Variants in FGF14 observed in about 807,000 individuals in gnomAD.
The protein encoded by FGF14 is fibroblast growth factor homologous factor 4.
Under a neutral mutation model 25.5 loss-of-function variants are expected in FGF14, and 5 were observed. The ratio of observed to expected loss-of-function variants is 0.20; its 90% CI spans 0.10 to 0.41. FGF14 has a LOEUF of 0.41. Ranked by LOEUF, FGF14 falls within the 10% of genes least tolerant of loss-of-function variation. FGF14 has a pLI of 1.00. For synonymous variants in FGF14, 138 were observed against 118.3 expected, an observed-to-expected ratio of 1.17 and a Z score of -1.08; for missense variants, 222 against 320.1, an observed-to-expected ratio of 0.69 and a Z score of 2.34.
chr13:102,236,634 G>T (rs1401912494), intron 1 of FGF14, among the ~76,000 whole-genome samples: 3 of 152,120 alleles, frequency 2.0e-5, no homozygotes, highest in Admixed American at 6.6e-5. Flanking sequence ...CCCTCCCCCA[G>T]GACTGTGCAT....
At chr13:102,274,127 A>G (rs907839574) in intron 1 of FGF14, among the ~76,000 whole-genome samples, 3 of 152,192 alleles carry the variant, frequency 2.0e-5, no homozygotes, top group African/African-American at 7.2e-5. Context: ...CAAATGTTCT[A>G]TCGTGGATCT....
At chr13:102,344,170 T>C (rs1330938535) in intron 1 of FGF14, among the ~76,000 whole-genome samples, 1 of 152,230 alleles carries the variant, frequency 6.6e-6, no homozygotes, top group Non-Finnish European at 1.5e-5. Context: ...GGCTATGATA[T>C]TTTTAAAATT....
intron 3 of FGF14, among the ~76,000 whole-genome samples, chr13:101,740,579 T>C (rs1594089753): frequency 6.6e-6 from 1 of 152,110 alleles, no homozygotes; most frequent in African/African-American, 2.4e-5. Flanking sequence ...AGTGTGCAGG[T>C]TTCTAGCCTG....
At chr13:102,389,993 T>C (rs2058395382) in intron 1 of FGF14, among the ~76,000 whole-genome samples, 1 of 152,158 alleles carries the variant, frequency 6.6e-6, no homozygotes, top group Non-Finnish European at 1.5e-5. Context: ...GAGTTTCCGG[T>C]TTAAAAAATA....
chr13:102,009,008 G>C lies in FGF14; in HGVS notation c.209-133712C>G, dbSNP rs114699660. Among the ~76,000 whole-genome samples, 742 of 151,994 alleles carry C rather than the reference G, an allele frequency of 4.9e-3. 3 individuals are homozygous for C. The highest frequency in any genetic ancestry group is 0.015 in the African/African-American group (607 of 41,470). On this transcript the variant is annotated intron_variant, in intron 1 of 4. Coordinates refer to the FGF14 transcript ENST00000376131. Reference sequence around the variant, plus strand: ...TGTAGGTCAACTTGAATATTTGTTGGTTATGAGATTATAAAAAAAATTTCT... The same window carrying C: ...TGTAGGTCAACTTGAATATTTGTTGCTTATGAGATTATAAAAAAAATTTCT...
At chr13:101,820,272 G>A (rs2042047626) in intron 3 of FGF14, among the ~76,000 whole-genome samples, 1 of 152,084 alleles carries the variant, frequency 6.6e-6, no homozygotes, top group African/African-American at 2.4e-5. Flanking sequence ...CAGCAGATAT[G>A]CTACTTAAAG....
chr13:102,357,725 C>G (rs1380560790), intron 1 of FGF14, among the ~76,000 whole-genome samples: 1 of 152,090 alleles, frequency 6.6e-6, no homozygotes, highest in Non-Finnish European at 1.5e-5. Flanking sequence ...ATCATGTGTT[C>G]AATAAATGTC....
At chr13:102,214,076 G>A (rs1055112414) in intron 1 of FGF14, among the ~76,000 whole-genome samples, 12 of 152,144 alleles carry the variant, frequency 7.9e-5, no homozygotes, top group Non-Finnish European at 1.5e-4. Flanking sequence ...GAGTCCCTCC[G>A]CTGCAGCACA....
At chr13:102,155,994 C>A (rs892568624) in intron 1 of FGF14, among the ~76,000 whole-genome samples, 71 of 152,034 alleles carry the variant, frequency 4.7e-4, no homozygotes, top group Non-Finnish European at 8.8e-4. Context: ...CAATAATAGG[C>A]TCTGAAATTG....
chr13:102,049,746 C>T (rs1169109175), intron 1 of FGF14, among the ~76,000 whole-genome samples: 1 of 151,546 alleles, frequency 6.6e-6, no homozygotes, highest in Non-Finnish European at 1.5e-5. Context: ...CACACACGCA[C>T]CCCCCCACAC....
chr13:102,344,202 AAATT>A (rs1380006713), intron 1 of FGF14, among the ~76,000 whole-genome samples: 1 of 152,244 alleles, frequency 6.6e-6, no homozygotes, highest in East Asian at 1.9e-4. Flanking sequence ...ATTAAAAACT[AAATT>A]AATCAAATCA....
intron 1 of FGF14, among the ~76,000 whole-genome samples, chr13:102,339,899 G>A (rs2056898653): frequency 6.6e-6 from 1 of 152,142 alleles, no homozygotes; most frequent in African/African-American, 2.4e-5. Context: ...CATCTAAAGT[G>A]AGTTAAGCAC....
intron 3 of FGF14, among the ~76,000 whole-genome samples, chr13:101,800,038 A>G (rs1335568329): frequency 2.0e-4 from 31 of 152,150 alleles, no homozygotes; most frequent in Admixed American, 2.0e-3. Flanking sequence ...CTACTTCTCC[A>G]CAGACACGTC....
intron 1 of FGF14, among the ~76,000 whole-genome samples, chr13:102,074,054 C>T (rs929916280): frequency 6.6e-6 from 1 of 152,150 alleles, no homozygotes; most frequent in East Asian, 1.9e-4. Flanking sequence ...GTCACCCAGG[C>T]TGGTGTGGAG....
chr13:101,943,826 A>AATATATATATATAT (rs1206422692), intron 1 of FGF14, among the ~76,000 whole-genome samples: 28 of 126,798 alleles, frequency 2.2e-4, no homozygotes, highest in African/African-American at 9.2e-4. Flanking sequence ...AAAAAAAAAA[A>AATATATATATATAT]ATATATATAT....
intron 1 of FGF14, among the ~76,000 whole-genome samples, chr13:102,264,384 A>G (rs1487536860): frequency 6.6e-6 from 1 of 152,172 alleles, no homozygotes; most frequent in African/African-American, 2.4e-5. Context: ...AAATATATAA[A>G]GCACGAAAAC....
At chr13:101,983,697 A>T (rs2139627392) in intron 1 of FGF14, among the ~76,000 whole-genome samples, 1 of 152,254 alleles carries the variant, frequency 6.6e-6, no homozygotes, top group South Asian at 2.1e-4. Flanking sequence ...TCCACCAGTG[A>T]CCTTGAGTTA....
In FGF14 at chr13:101,714,454, G is replaced by T. The variant is rs766809230; in HGVS notation, c.*8377C>A. 5.6e-6 allele frequency: 9 copies of T among 1,605,828 alleles called. No homozygotes were observed. In the South Asian group the frequency reaches 9.9e-5, roughly 18 times the overall value. ...TAATTTCAGGTTCTTGTCATTGTGG[G>T]AAGTGCATTTGTTCTGCTGAAGAGT... On this transcript the variant is annotated 3_prime_UTR_variant, in exon 5 of 5. Coordinates refer to ENST00000376143, the MANE Select transcript of FGF14 (RefSeq NM_004115.4).
chr13:102,191,150 A>G (rs1273704139), intron 1 of FGF14, among the ~76,000 whole-genome samples: 1 of 152,190 alleles, frequency 6.6e-6, no homozygotes, highest in Non-Finnish European at 1.5e-5. Flanking sequence ...CCTTGTAAAC[A>G]ACCTTTCCCC....
Sources: gnomAD v4.1 joint callset for allele counts (sites outside exome capture counted in the v4.1 genomes callset) on GRCh38, gnomAD v4.1.1 for gene constraint, MANE v1.5 for transcripts, NCBI Gene and HGNC (gene_info 2026-07-23, HGNC 2026-07-21) for gene names.